BCL2L13: variants seen among roughly 807,000 people sequenced by gnomAD.
BCL2L13 encodes BCL2 like 13.
BCL2L13 carries 13 observed loss-of-function variants against 25.8 expected under a neutral mutation model. That is an observed-to-expected ratio of 0.50 (90% CI 0.33 to 0.80). BCL2L13 has a LOEUF of 0.80. BCL2L13 is among the 30% of genes least tolerant of loss of function. BCL2L13 has a pLI of 0.02. For synonymous variants in BCL2L13, 244 were observed against 230.3 expected (o/e 1.06, Z -0.54); for missense variants, 504 against 574.9 (o/e 0.88, Z 1.26).
chr22:17,651,382 TTTATTTATTTATTTA>T (rs2058679914), intron 1 of BCL2L13, among the ~76,000 whole-genome samples: 2 of 151,482 alleles, frequency 1.3e-5, no homozygotes, highest in African/African-American at 4.9e-5. Context: ...TATTTATTTA[TTTATTTATTTATTTA>T]TTTGAGACGG....
chr22:17,659,843 A>T (rs1050572613), intron 2 of BCL2L13, among the ~76,000 whole-genome samples: 5 of 145,682 alleles, frequency 3.4e-5, no homozygotes, highest in African/African-American at 1.2e-4. Context: ...CATTTAATTT[A>T]TTTATTCTTA....
Position 17,699,923 on chromosome 22 carries a change from G to GGT in BCL2L13, c.457-2319_457-2318dup, listed in dbSNP as rs546069206. Reference sequence around the variant, plus strand: ...TTAGCTGCTTAAAGACAATCTAAACGGTACAGTGGCCTTGGACGTCATCAT... The same window carrying GGT: ...TTAGCTGCTTAAAGACAATCTAAACGGTGTACAGTGGCCTTGGACGTCATCAT... On this transcript the variant is annotated intron_variant, in intron 5 of 6. Transcript: ENST00000317582. Among the ~76,000 whole-genome samples, 537 of 152,034 alleles carry GGT rather than the reference G, an allele frequency of 3.5e-3. 5 individuals carry two copies. The highest frequency in any genetic ancestry group is 4.4e-3 in the Non-Finnish European group (302 of 67,970).
At chr22:17,662,801 C>T (rs1355673062) in intron 2 of BCL2L13, among the ~76,000 whole-genome samples, 1 of 151,800 alleles carries the variant, frequency 6.6e-6, no homozygotes, top group Non-Finnish European at 1.5e-5. Context: ...GGCGACAGAG[C>T]GAGACTTTCA....
At chr22:17,641,884 C>T (rs906793344) in intron 1 of BCL2L13, among the ~76,000 whole-genome samples, 43 of 150,286 alleles carry the variant, frequency 2.9e-4, no homozygotes, top group South Asian at 1.3e-3. Flanking sequence ...ACTGCAAGCT[C>T]CGCCTCCCGG....
intron 6 of BCL2L13, among the ~76,000 whole-genome samples, chr22:17,722,105 A>G (rs1033297292): frequency 2.0e-5 from 3 of 152,094 alleles, no homozygotes; most frequent in African/African-American, 7.2e-5. Flanking sequence ...GTAGATATGT[A>G]TATATGTGCA....
rs902659348 is a variant in BCL2L13 at position 17,667,275 on chromosome 22, G to A, written c.121+11443G>A. Among the ~76,000 whole-genome samples, 5 of 151,972 alleles carry A rather than the reference G, an allele frequency of 3.3e-5. No individual in the cohort carries two copies. In the East Asian group the frequency reaches 7.8e-4, roughly 24 times the overall value. ...CAACCTACGCCTCCTGGGTTCAAGCGATTCTCCTGCCTAAGCCTCCTGAGT... is the reference window on the plus strand; with the variant it reads ...CAACCTACGCCTCCTGGGTTCAAGCAATTCTCCTGCCTAAGCCTCCTGAGT... On this transcript the variant is annotated intron_variant, in intron 2 of 6. Transcript: ENST00000317582.
Position 17,727,525 on chromosome 22 carries a change from A to G in BCL2L13, c.1449A>G (p.Arg483=), listed in dbSNP as rs1358231379. 3.7e-6 allele frequency: 6 copies of G among 1,613,798 alleles called. No homozygotes were observed. The Admixed American group carries it at 1.0e-4, about 27-fold the overall frequency. ...CCATCGGGGTAGCCCTGGCTCTGAGAAAGAAATAGGAGGCTTTTCAGAAGA... is the reference window on the plus strand; with the variant it reads ...CCATCGGGGTAGCCCTGGCTCTGAGGAAGAAATAGGAGGCTTTTCAGAAGA... ...AVAIGVALAL[R]KK Residue 483 remains arginine, a synonymous_variant, in exon 7 of 7, where the codon AGA becomes AGG. Transcript: ENST00000317582.
rs547029598 is a variant in BCL2L13, at chr22:17,669,056, G to A, written c.121+13224G>A. 7.2e-4 allele frequency among the ~76,000 whole-genome samples: 83 copies of A among 114,732 alleles called. 2 individuals carry two copies. In the South Asian group the frequency reaches 0.022, roughly 31 times the overall value. The allele number at this position is 114,732 out of a possible 152,430, so 75.3% of individuals were successfully genotyped here. A position where few individuals can be genotyped will look rare whatever the true frequency, so the allele number is the denominator to read the frequency against. On this transcript the variant is annotated intron_variant, in intron 2 of 6. Coordinates refer to ENST00000317582, the MANE Select transcript of BCL2L13 (RefSeq NM_015367.4). The stretch of plus-strand genomic sequence containing the variant: ...TTTTTTTTTTTTTTTTTTTTGAGAC[G>A]GAGTCTCGCTCTGTCGCCCAGGCTG...
chr22:17,690,969 A>G (rs2145634606), intron 4 of BCL2L13, among the ~76,000 whole-genome samples: 1 of 152,148 alleles, frequency 6.6e-6, no homozygotes, highest in Middle Eastern at 3.4e-3. Context: ...GAAGTGAGGG[A>G]TAGTAAGTGG....
intron 2 of BCL2L13, among the ~76,000 whole-genome samples, chr22:17,678,777 G>A (rs11704288): frequency 0.16 from 24,621 of 152,128 alleles, 2,298 homozygotes; most frequent in Non-Finnish European, 0.21. Flanking sequence ...TTTTTGTGCT[G>A]CGTAGATGCT....
Position 17,727,255 on chromosome 22 carries a change from T to A in BCL2L13, c.1179T>A (p.Thr393=). The change falls in exon 7 of 7, where the codon ACT becomes ACA. Residue 393 remains threonine, a synonymous_variant. Transcript: ENST00000317582. ...TGAAAGCAGCAACAACTGAACCTAC[T>A]GAAGTGGAGGAGGTGGTCCCCGCAC... ...EEVKAATTEP[T]EVEEVVPALE... 1 of 1,614,216 alleles carries A rather than the reference T, an allele frequency of 6.2e-7. No individual in the cohort carries two copies. Among genetic ancestry groups the A allele is most frequent in the Non-Finnish European group, 8.5e-7 (1 of 1,180,036 alleles).
At chr22:17,645,497 A>G (rs2058442940) in intron 1 of BCL2L13, among the ~76,000 whole-genome samples, 1 of 151,456 alleles carries the variant, frequency 6.6e-6, no homozygotes, top group African/African-American at 2.5e-5. Flanking sequence ...GCTGGGAAGT[A>G]TAGGCGTGAG....
chr22:17,649,437 T>G (rs1273340015), intron 1 of BCL2L13, among the ~76,000 whole-genome samples: 1 of 152,044 alleles, frequency 6.6e-6, no homozygotes, highest in Non-Finnish European at 1.5e-5. Flanking sequence ...TGTAAATACT[T>G]TCTTCTTCCT....
At chr22:17,653,251 T>C (rs1375699805) in intron 1 of BCL2L13, among the ~76,000 whole-genome samples, 1 of 152,136 alleles carries the variant, frequency 6.6e-6, no homozygotes, top group African/African-American at 2.4e-5. Flanking sequence ...CTTCCTATAT[T>C]ATCTGATTTA....
intron 1 of BCL2L13, among the ~76,000 whole-genome samples, chr22:17,640,275 C>A (rs1345383842): frequency 1.3e-5 from 2 of 152,134 alleles, no homozygotes; most frequent in Non-Finnish European, 2.9e-5. Flanking sequence ...TATTGAAAAT[C>A]TTTTTACTAG....
At chr22:17,716,349 T>G (rs150962934) in intron 6 of BCL2L13, among the ~76,000 whole-genome samples, 34 of 152,306 alleles carry the variant, frequency 2.2e-4, no homozygotes, top group Non-Finnish European at 4.7e-4. Context: ...CTTAATACCT[T>G]TCATCATATT....
chr22:17,666,834 T>G (rs1360162370), intron 2 of BCL2L13, among the ~76,000 whole-genome samples: 1 of 151,718 alleles, frequency 6.6e-6, no homozygotes, highest in Admixed American at 6.6e-5. Flanking sequence ...TTTACAGGCA[T>G]GCGCCACCAT....
At position 17,726,781 on chromosome 22, in the gene BCL2L13, C is replaced by T; in HGVS notation, c.705C>T (p.Val235=). 3 of 1,614,234 alleles carry T rather than the reference C, an allele frequency of 1.9e-6. No homozygotes were observed. The highest frequency in any genetic ancestry group is 2.5e-6 in the Non-Finnish European group (3 of 1,180,052). Residue 235 remains valine (V), a synonymous_variant, in exon 7 of 7, where the codon GTC becomes GTT. Coordinates refer to ENST00000317582, the MANE Select transcript of BCL2L13 (RefSeq NM_015367.4). ...YILPSDNSGQ[V]SPPESPTVTT... is the part of the protein sequence containing the mutation. ...TGCCCAGCGACAACTCTGGACAAGT[C>T]AGTCCCCCAGAGTCTCCAACTGTGA...
At chr22:17,654,645 C>T (rs988784294) in intron 1 of BCL2L13, among the ~76,000 whole-genome samples, 9 of 151,764 alleles carry the variant, frequency 5.9e-5, no homozygotes, top group Admixed American at 3.3e-4. Flanking sequence ...AGGATGGTCT[C>T]GATCTCCTGA....
Sources: gnomAD v4.1 joint callset for allele counts (sites outside exome capture counted in the v4.1 genomes callset) on GRCh38, gnomAD v4.1.1 for gene constraint, MANE v1.5 for transcripts, NCBI Gene and HGNC (gene_info 2026-07-23, HGNC 2026-07-21) for gene names.